PRKN: variants seen among roughly 807,000 people sequenced by gnomAD.
PRKN encodes the protein E3 ubiquitin-protein ligase parkin.
PRKN carries 56 observed loss-of-function variants against 59.5 expected under a neutral mutation model. That is an observed-to-expected ratio of 0.94 (90% CI 0.76 to 1.18). The LOEUF (loss-of-function observed/expected upper bound fraction) is 1.18. PRKN is among the 50% of genes most tolerant of loss of function. The pLI is 0.00. For missense variants in PRKN, 657 were observed against 596.4 expected (o/e 1.10, Z -1.06); for synonymous variants, 250 against 222.1 (o/e 1.13, Z -1.12).
At chr6:161,486,614 T>G (rs1164248342) in intron 9 of PRKN, among the ~76,000 whole-genome samples, 1 of 152,198 alleles carries the variant, frequency 6.6e-6, no homozygotes. Flanking sequence ...TGGTTCACAC[T>G]GCCTCTATTA....
At chr6:161,898,408 G>A (rs745967775) in intron 6 of PRKN, among the ~76,000 whole-genome samples, 3 of 152,146 alleles carry the variant, frequency 2.0e-5, no homozygotes, top group Non-Finnish European at 4.4e-5. Context: ...GCTTTACACT[G>A]TTCACAATAT....
chr6:161,514,698 C>A (rs1165401281), intron 9 of PRKN, among the ~76,000 whole-genome samples: 1 of 152,026 alleles, frequency 6.6e-6, no homozygotes, highest in Non-Finnish European at 1.5e-5. Flanking sequence ...TGTAAAGAGA[C>A]TAGGTCCAGG....
chr6:162,124,666 CAAGT>C (rs771892628), intron 4 of PRKN, among the ~76,000 whole-genome samples: 17 of 151,992 alleles, frequency 1.1e-4, no homozygotes, highest in Non-Finnish European at 2.5e-4. Context: ...TTTTCACAAG[CAAGT>C]GAGAACTGTC....
At position 162,694,495 on chromosome 6, in the gene PRKN, C is replaced by T. The variant is rs575132040; in HGVS notation, c.7+33167G>A. Reference sequence around the variant, plus strand: ...ACAGGTGCTCCTAGAGGCAAATGAGCAGACATACCTTGAACCATAGTGACT... The same window carrying T: ...ACAGGTGCTCCTAGAGGCAAATGAGTAGACATACCTTGAACCATAGTGACT... On this transcript the variant is annotated intron_variant, in intron 1 of 11. Coordinates refer to ENST00000366898, the MANE Select transcript of PRKN (RefSeq NM_004562.3). Among the ~76,000 whole-genome samples the T allele has an allele frequency of 2.6e-5, 4 of 152,206 alleles. 1 individual carries two copies. In the Middle Eastern group the frequency reaches 0.014, roughly 518 times the overall value.
intron 1 of PRKN, among the ~76,000 whole-genome samples, chr6:162,450,430 C>CGCCCCTGTGA (rs1790569890): frequency 8.3e-6 from 1 of 119,990 alleles, no homozygotes; most frequent in African/African-American, 5.5e-5. Flanking sequence ...CTGTGATTGT[C>CGCCCCTGTGA]TTCCTCCTGA....
At chr6:162,593,542 T>C (rs1291621547) in intron 1 of PRKN, among the ~76,000 whole-genome samples, 1 of 152,196 alleles carries the variant, frequency 6.6e-6, no homozygotes, top group Non-Finnish European at 1.5e-5. Context: ...CACAATACGG[T>C]TCCACTGGGT....
At chr6:161,489,197 G>A (rs181590667) in intron 9 of PRKN, among the ~76,000 whole-genome samples, 1 of 151,028 alleles carries the variant, frequency 6.6e-6, no homozygotes, top group East Asian at 1.9e-4. Flanking sequence ...TTGTATTTTA[G>A]TTGCCTTGTC....
At chr6:162,068,224 GT>G (rs1182266317) in intron 4 of PRKN, among the ~76,000 whole-genome samples, 14 of 151,654 alleles carry the variant, frequency 9.2e-5, no homozygotes, top group Admixed American at 3.3e-4. Flanking sequence ...TATTTCCTGA[GT>G]TTTGTAGGTG....
intron 6 of PRKN, among the ~76,000 whole-genome samples, chr6:161,964,138 G>C (rs1033203984): frequency 3.3e-5 from 5 of 152,194 alleles, no homozygotes; most frequent in East Asian, 3.9e-4. Flanking sequence ...TGAAAGAATA[G>C]CAATGCAAGC....
chr6:161,350,218 G>C lies in PRKN; in HGVS notation c.1286-7C>G, dbSNP rs779201206. ...TTCATGTGCATGCAGCCTCCTGTTG[G>C]GGGCAGAAAACAAAGGTGTGGTGGG... On this transcript the variant is annotated splice_region_variant and splice_polypyrimidine_tract_variant and intron_variant, in intron 11 of 11. Transcript: ENST00000366898. The C allele has an allele frequency of 1.9e-6, 3 of 1,607,964 alleles. No individual in the cohort carries two copies. Among genetic ancestry groups the C allele is most frequent in the African/African-American group, 1.3e-5 (1 of 74,904 alleles).
rs566406841 is a variant in PRKN, at chr6:161,735,336, T to C, written c.871+50436A>G. On this transcript the variant is annotated intron_variant, in intron 7 of 11. Coordinates refer to ENST00000366898, the MANE Select transcript of PRKN (RefSeq NM_004562.3). ...AAGACGATAAGGATGAAGACCTTTA[T>C]GATGATCCACTTCCACTTAATGAAG... 2.6e-4 allele frequency among the ~76,000 whole-genome samples: 39 copies of C among 152,306 alleles called. 2 individuals are homozygous for C. In the South Asian group the frequency reaches 8.1e-3, roughly 32 times the overall value.
At chr6:161,645,990 C>T (rs1314071170) in intron 7 of PRKN, among the ~76,000 whole-genome samples, 1 of 111,188 alleles carries the variant, frequency 9.0e-6, no homozygotes, top group Non-Finnish European at 2.0e-5. Flanking sequence ...CGTGTGCGTG[C>T]GTGGCGGAGG....
intron 4 of PRKN, among the ~76,000 whole-genome samples, chr6:162,078,198 G>C (rs1778914738): frequency 6.6e-6 from 1 of 151,796 alleles, no homozygotes; most frequent in Non-Finnish European, 1.5e-5. Flanking sequence ...CTCAGCATCT[G>C]AAGAAATTCA....
chr6:162,444,901 T>A (rs1790235945), intron 1 of PRKN, among the ~76,000 whole-genome samples: 1 of 152,172 alleles, frequency 6.6e-6, no homozygotes, highest in South Asian at 2.1e-4. Flanking sequence ...ATTATTCGGT[T>A]CATTAAATAA....
chr6:162,710,332 T>C (rs1193904500), intron 1 of PRKN, among the ~76,000 whole-genome samples: 1 of 147,760 alleles, frequency 6.8e-6, no homozygotes, highest in Non-Finnish European at 1.5e-5. Flanking sequence ...GTTTAAGATC[T>C]CCCTATCCCC....
At chr6:161,730,106 G>T (rs1213595305) in intron 7 of PRKN, among the ~76,000 whole-genome samples, 1 of 149,432 alleles carries the variant, frequency 6.7e-6, no homozygotes, top group Non-Finnish European at 1.5e-5. Context: ...CTGATGTGTT[G>T]CATTCTTTCT....
At chr6:162,263,113 T>A (rs1779968080) in intron 2 of PRKN, 5 of 344,164 alleles carry the variant, frequency 1.5e-5, no homozygotes, top group Non-Finnish European at 2.8e-5. Flanking sequence ...AGAGTCTCAC[T>A]CTGTCATCCA....
chr6:161,430,347 TG>T (rs1788581645), intron 9 of PRKN, among the ~76,000 whole-genome samples: 1 of 152,208 alleles, frequency 6.6e-6, no homozygotes, highest in Non-Finnish European at 1.5e-5. Context: ...ACTATTACAC[TG>T]ACAATTGAAG....
chr6:161,853,070 A>G (rs1218890243), intron 6 of PRKN, among the ~76,000 whole-genome samples: 1 of 152,224 alleles, frequency 6.6e-6, no homozygotes, highest in Non-Finnish European at 1.5e-5. Flanking sequence ...AGTGCTGTCC[A>G]TTTCAGTAGC....
Sources: gnomAD v4.1 joint callset for allele counts (sites outside exome capture counted in the v4.1 genomes callset) on GRCh38, gnomAD v4.1.1 for gene constraint, MANE v1.5 for transcripts, NCBI Gene and HGNC (gene_info 2026-07-23, HGNC 2026-07-21) for gene names.